ANKRD36C: variants seen among roughly 807,000 people sequenced by gnomAD.
The protein encoded by ANKRD36C is ankyrin repeat domain 36C.
In ANKRD36C, 61 loss-of-function variants were observed where a neutral mutation model predicts 276.4. The observed-to-expected ratio is 0.22, with a 90% CI of 0.18 to 0.27. The LOEUF is 0.27. Ranked by LOEUF, ANKRD36C falls within the 10% of genes least tolerant of loss-of-function variation. The pLI is 1.00. For synonymous variants in ANKRD36C, 483 were observed against 680.1 expected, an observed-to-expected ratio of 0.71 and a Z score of 4.51; for missense variants, 1,447 against 2,032.3, an observed-to-expected ratio of 0.71 and a Z score of 5.54.
Position 95,895,733 on chromosome 2 carries a change from C to G in ANKRD36C, c.2755+3412G>C, listed in dbSNP as rs1487938502. 11 of 1,386,088 alleles carry G rather than the reference C, an allele frequency of 7.9e-6. No homozygotes were observed. In the East Asian group the frequency reaches 1.0e-4, roughly 13 times the overall value. 85.9% of individuals were successfully genotyped at this position (1,386,088 alleles called of 1,614,324 possible). A position where few individuals can be genotyped will look rare whatever the true frequency, so the allele number is the denominator to read the frequency against. ...TGGCTTCTACTTTGTCTCAGGGGAC[C>G]AGAAGGTGACAGAAATACACTGAAA... On this transcript the variant is annotated intron_variant, in intron 44 of 66. Transcript: ENST00000456556.
chr2:95,893,446 C>T (rs1226544979), intron 44 of ANKRD36C, 87 bp downstream of exon 64: 26 of 1,506,682 alleles, frequency 1.7e-5, no homozygotes, highest in African/African-American at 9.8e-5. Flanking sequence ...AGTGCAGCTT[C>T]GACGAGCCCC....
chr2:95,902,550 T>A (rs1290838861), intron 42 of ANKRD36C, among the ~76,000 whole-genome samples: 1 of 150,356 alleles, frequency 6.7e-6, no homozygotes, highest in Admixed American at 6.6e-5. Flanking sequence ...AGTGTGTAAA[T>A]TCTATACTTC....
chr2:95,974,216 A>G (rs1341807127), intron 6 of ANKRD36C, among the ~76,000 whole-genome samples: 1 of 152,280 alleles, frequency 6.6e-6, no homozygotes, highest in East Asian at 1.9e-4. Flanking sequence ...TTTAAAAGAC[A>G]CCTTAAGTGT....
intron 34 of ANKRD36C, 21 bp downstream of exon 34, chr2:95,921,586 A>T (rs1374966900): frequency 1.9e-6 from 3 of 1,598,328 alleles, no homozygotes. Context: ...ACATGACATT[A>T]AATGTCTTTT....
At chr2:95,927,020 G>A (rs940316958) in intron 28 of ANKRD36C, among the ~76,000 whole-genome samples, 194 bp downstream of exon 28, 7 of 151,412 alleles carry the variant, frequency 4.6e-5, no homozygotes, top group East Asian at 2.0e-4. Context: ...TTTCAATGTG[G>A]GGAAGTCTAT....
intron 6 of ANKRD36C, among the ~76,000 whole-genome samples, chr2:95,972,759 A>G (rs1267018030): frequency 6.6e-6 from 1 of 152,238 alleles, no homozygotes; most frequent in Admixed American, 6.5e-5. Flanking sequence ...TTCCGCATGA[A>G]TAAATCCATA....
chr2:95,851,624 A>G, intron 66 of ANKRD36C, 70 bp downstream of exon 86: 1 of 1,291,094 alleles, frequency 7.7e-7, no homozygotes, highest in Non-Finnish European at 1.1e-6. Flanking sequence ...TGGACAAGGG[A>G]TATTTAACCC....
At chr2:95,965,299 CTATT>C (rs1477922863) in intron 6 of ANKRD36C, among the ~76,000 whole-genome samples, 9 of 151,894 alleles carry the variant, frequency 5.9e-5, no homozygotes, top group Admixed American at 4.6e-4. Flanking sequence ...CTTCAAGGGC[CTATT>C]TGTCATTTGA....
intron 61 of ANKRD36C, 43 bp from the exon 82 acceptor site, chr2:95,857,535 C>G (rs1405629307): frequency 3.2e-5 from 49 of 1,511,468 alleles, no homozygotes; most frequent in Non-Finnish European, 4.3e-5. Flanking sequence ...TCAGTGAGGA[C>G]TAAGCTCTAA....
At chr2:95,864,153 A>G (rs974507346) in intron 60 of ANKRD36C, among the ~76,000 whole-genome samples, 1 of 152,062 alleles carries the variant, frequency 6.6e-6, no homozygotes, top group African/African-American at 2.4e-5. Flanking sequence ...AAGTCTTTAT[A>G]ATAAATTCTA....
rs917397635 is a variant in ANKRD36C at position 95,929,351 on chromosome 2, C to A, written c.1736-84G>T. ...CATTAATGCATGGATAGCATGTTAG[C>A]ATCAAGTTTTGTACTCCTGCCTGTA... is the stretch of plus-strand genomic sequence containing the variant. On this transcript the variant is annotated intron_variant, in intron 24 of 66. Coordinates refer to ENST00000456556, the Ensembl canonical transcript of ANKRD36C. 7.3e-6 allele frequency: 11 copies of A among 1,498,130 alleles called. No individual in the cohort carries two copies. The Admixed American group carries it at 2.1e-4, about 28-fold the overall frequency. 92.8% of individuals were successfully genotyped at this position (1,498,130 alleles called of 1,614,324 possible). A position where few individuals can be genotyped will look rare whatever the true frequency, so the allele number is the denominator to read the frequency against.
At chr2:95,974,621 C>T (rs1005094755) in intron 6 of ANKRD36C, among the ~76,000 whole-genome samples, 1 of 152,044 alleles carries the variant, frequency 6.6e-6, no homozygotes, top group Non-Finnish European at 1.5e-5. Context: ...ATATAAAAGA[C>T]GTCAGCTTCT....
rs1676704276 is a variant in ANKRD36C at position 95,903,051 on chromosome 2, A to G, written c.2654-3715T>C. 2 of 1,570,366 alleles carry G rather than the reference A, an allele frequency of 1.3e-6. No individual in the cohort carries two copies. Among genetic ancestry groups the G allele is most frequent in the South Asian group, 2.3e-5 (2 of 86,890 alleles). ...TCACAATATAAATGACAGTTTCATTACCTTCAAGCCTGGTGGTTGCTCTGA... is the reference window on the plus strand; with the variant it reads ...TCACAATATAAATGACAGTTTCATTGCCTTCAAGCCTGGTGGTTGCTCTGA... On this transcript the variant is annotated intron_variant, in intron 42 of 66. Transcript: ENST00000456556.
exon 63 of ANKRD36C, chr2:95,855,770 A>G: frequency 1.2e-6 from 2 of 1,613,910 alleles, no homozygotes; most frequent in Non-Finnish European, 1.7e-6. Context: ...GACAACATTT[A>G]TCTACTGTGC....
intron 59 of ANKRD36C, among the ~76,000 whole-genome samples, chr2:95,874,551 C>T (rs1450223242): frequency 3.9e-5 from 6 of 152,138 alleles, no homozygotes; most frequent in South Asian, 2.1e-4. Context: ...AAGGCTTAAA[C>T]GTTAGACCTA....
chr2:95,890,057 C>G, intron 46 of ANKRD36C, 63 bp from the exon 67 acceptor site: 1 of 1,562,668 alleles, frequency 6.4e-7, no homozygotes, highest in Non-Finnish European at 8.8e-7. Flanking sequence ...TTCATACATT[C>G]ATACAGTGTT....
intron 22 of ANKRD36C, among the ~76,000 whole-genome samples, chr2:95,937,867 T>C (rs1421071746): frequency 1.3e-5 from 2 of 152,312 alleles, no homozygotes; most frequent in Non-Finnish European, 1.5e-5. Flanking sequence ...GGCAACCACA[T>C]AAGCAAATCT....
chr2:95,887,490 A>G (rs2104338858), intron 50 of ANKRD36C, among the ~76,000 whole-genome samples: 1 of 151,480 alleles, frequency 6.6e-6, no homozygotes, highest in Admixed American at 6.6e-5. Context: ...AATCATTGCT[A>G]TATCAGTGGT....
chr2:95,969,825 T>C (rs1165912342), intron 6 of ANKRD36C, among the ~76,000 whole-genome samples: 2 of 152,146 alleles, frequency 1.3e-5, no homozygotes, highest in African/African-American at 2.4e-5. Context: ...ATAACTTTTA[T>C]TACAGTATAT....
Sources: gnomAD v4.1 joint callset for allele counts (sites outside exome capture counted in the v4.1 genomes callset) on GRCh38, gnomAD v4.1.1 for gene constraint, MANE v1.5 for transcripts, NCBI Gene and HGNC (gene_info 2026-07-23, HGNC 2026-07-21) for gene names.